KLHDC1: variants seen among roughly 807,000 people sequenced by gnomAD.
KLHDC1 encodes the protein kelch domain containing 1, also known as kelch domain-containing protein 1.
In KLHDC1, 53 loss-of-function variants were observed where a neutral mutation model predicts 68.3. That is an observed-to-expected ratio of 0.78 (90% confidence interval 0.62 to 0.98). The LOEUF (loss-of-function observed/expected upper bound fraction) is 0.98, where lower values mean the gene tolerates loss of function less well. Ranked by LOEUF, KLHDC1 falls within the 50% of genes least tolerant of loss-of-function variation. The pLI is 0.00. For synonymous variants in KLHDC1, 148 were observed against 159.0 expected, an observed-to-expected ratio of 0.93 and a Z score of 0.52; for missense variants, 470 against 492.3, an observed-to-expected ratio of 0.95 and a Z score of 0.43.
At chr14:49,732,902 CT>C in intron 9 of KLHDC1, 86 bp downstream of exon 9, 1 of 699,668 alleles carries the variant, frequency 1.4e-6, no homozygotes, top group Non-Finnish European at 2.4e-6. Context: ...GTAAATCTTC[CT>C]TTTTTCCTGT....
chr14:49,731,261 C>T (rs1438368910), intron 8 of KLHDC1, among the ~76,000 whole-genome samples: 2 of 151,958 alleles, frequency 1.3e-5, no homozygotes, highest in African/African-American at 2.4e-5. Flanking sequence ...GCTTGGGAAA[C>T]GAGCAAAACG....
intron 1 of KLHDC1, among the ~76,000 whole-genome samples, chr14:49,693,705 C>T (rs114806180): frequency 0.014 from 2,045 of 148,702 alleles, 42 homozygotes; most frequent in African/African-American, 0.047. Context: ...AATAAAATAT[C>T]GAAATCACTG....
intron 6 of KLHDC1, 81 bp from the exon 7 acceptor site, chr14:49,728,845 C>T: frequency 2.0e-6 from 2 of 999,482 alleles, no homozygotes; most frequent in Non-Finnish European, 3.2e-6. Flanking sequence ...GTGATTAAGA[C>T]TTTCACATAC....
intron 1 of KLHDC1, among the ~76,000 whole-genome samples, chr14:49,701,719 G>T (rs1285122764): frequency 2.0e-5 from 3 of 151,998 alleles, no homozygotes; most frequent in African/African-American, 7.2e-5. Context: ...AAACGAGGAG[G>T]CAAATGGCAA....
intron 12 of KLHDC1, among the ~76,000 whole-genome samples, chr14:49,749,287 T>C (rs1396437248): frequency 6.6e-5 from 10 of 152,138 alleles, no homozygotes; most frequent in Admixed American, 5.9e-4. Flanking sequence ...GCAGTCTGTT[T>C]TGTAATATCT....
At chr14:49,707,295 TGTGAGAGA>T (rs979873459) in intron 1 of KLHDC1, among the ~76,000 whole-genome samples, 6 of 139,880 alleles carry the variant, frequency 4.3e-5, no homozygotes, top group East Asian at 4.0e-4. Flanking sequence ...TGTGTGTGTG[TGTGAGAGA>T]GAGAGAGAGA....
intron 4 of KLHDC1, among the ~76,000 whole-genome samples, chr14:49,716,465 C>A (rs1436910852): frequency 6.6e-6 from 1 of 151,798 alleles, no homozygotes; most frequent in Non-Finnish European, 1.5e-5. Context: ...CTCACTGCAA[C>A]CTCCACCTCC....
At chr14:49,697,396 A>C (rs1455656649) in intron 1 of KLHDC1, among the ~76,000 whole-genome samples, 1 of 152,240 alleles carries the variant, frequency 6.6e-6, no homozygotes, top group African/African-American at 2.4e-5. Context: ...CAAAACAATT[A>C]CAGTAATATA....
intron 6 of KLHDC1, among the ~76,000 whole-genome samples, chr14:49,728,694 AT>A (rs1207945317): frequency 6.6e-6 from 1 of 152,222 alleles, no homozygotes; most frequent in East Asian, 1.9e-4. Context: ...TGTCAGACAT[AT>A]AAGAAAAACA....
chr14:49,710,728 G>A (rs1888176685), intron 4 of KLHDC1, among the ~76,000 whole-genome samples: 1 of 151,994 alleles, frequency 6.6e-6, no homozygotes, highest in Admixed American at 6.6e-5. Context: ...TTCCTTCAAC[G>A]CTAGTTTTTG....
chr14:49,725,221 G>A (rs1888635627), intron 5 of KLHDC1, among the ~76,000 whole-genome samples: 1 of 152,146 alleles, frequency 6.6e-6, no homozygotes. Flanking sequence ...AGAAGAGAGT[G>A]GTCATAAGTT....
At chr14:49,736,955 G>A (rs1347835778) in intron 10 of KLHDC1, among the ~76,000 whole-genome samples, 1 of 152,196 alleles carries the variant, frequency 6.6e-6, no homozygotes, top group Non-Finnish European at 1.5e-5. Flanking sequence ...TGGCTGAAAA[G>A]CCATATATGT....
chr14:49,693,393 T>G, intron 1 of KLHDC1, 103 bp downstream of exon 1: 1 of 809,910 alleles, frequency 1.2e-6, no homozygotes, highest in Non-Finnish European at 1.7e-6. Context: ...GGCCCAGGCC[T>G]GGCGCGCCCG....
intron 4 of KLHDC1, among the ~76,000 whole-genome samples, chr14:49,713,803 T>C (rs933907754): frequency 0.012 from 39 of 3,308 alleles, 1 homozygote; most frequent in African/African-American, 0.053. Context: ...AGGAGGTATA[T>C]ATATATATAT....
At chr14:49,748,543 T>C (rs752106850) in intron 12 of KLHDC1, among the ~76,000 whole-genome samples, 2 of 152,164 alleles carry the variant, frequency 1.3e-5, no homozygotes, top group African/African-American at 2.4e-5. Context: ...AAGTGGCTTA[T>C]ATCGTCTAGT....
At chr14:49,711,504 T>C (rs917777520) in intron 4 of KLHDC1, among the ~76,000 whole-genome samples, 2 of 152,010 alleles carry the variant, frequency 1.3e-5, no homozygotes, top group African/African-American at 4.8e-5. Flanking sequence ...CACCTGGCCC[T>C]AATTTTTGTA....
intron 12 of KLHDC1, among the ~76,000 whole-genome samples, chr14:49,749,078 C>T (rs547979615): frequency 1.3e-5 from 2 of 151,916 alleles, no homozygotes; most frequent in East Asian, 1.9e-4. Context: ...GGATTACAGG[C>T]GTGAGCCACC....
intron 1 of KLHDC1, among the ~76,000 whole-genome samples, chr14:49,695,249 C>G (rs751941405): frequency 1.1e-4 from 17 of 151,948 alleles, no homozygotes; most frequent in Non-Finnish European, 1.5e-5. Context: ...CACCACCATG[C>G]CTGGCTAATT....
chr14:49,744,286 G>GTA (rs1435137696), intron 12 of KLHDC1, among the ~76,000 whole-genome samples: 5 of 70,410 alleles, frequency 7.1e-5, no homozygotes, highest in African/African-American at 2.2e-4. Flanking sequence ...CTGAAAGCCT[G>GTA]TATATATGTG....
Sources: gnomAD v4.1 joint callset for allele counts (sites outside exome capture counted in the v4.1 genomes callset) on GRCh38, gnomAD v4.1.1 for gene constraint, MANE v1.5 for transcripts, NCBI Gene and HGNC (gene_info 2026-07-23, HGNC 2026-07-21) for gene names.